Variants in TMEM123 observed in about 807,000 individuals in gnomAD.
The protein encoded by TMEM123 is transmembrane protein 123.
Under a neutral mutation model 19.7 loss-of-function variants are expected in TMEM123, and 16 were observed. That is an observed-to-expected ratio of 0.81 (90% CI 0.55 to 1.23). The LOEUF (loss-of-function observed/expected upper bound fraction) is 1.23, where lower values mean the gene tolerates loss of function less well. Among genes scored for constraint, TMEM123 ranks in the 50% most tolerant of loss-of-function variants. The pLI, the probability that TMEM123 is intolerant of heterozygous loss-of-function variation, is 0.00. For missense variants in TMEM123, 313 were observed against 257.8 expected (o/e 1.21, Z -1.47); for synonymous variants, 118 against 99.4 (o/e 1.19, Z -1.12).
At chr11:102,441,457 A>G (rs535809621) in intron 2 of TMEM123, among the ~76,000 whole-genome samples, 5 of 152,308 alleles carry the variant, frequency 3.3e-5, no homozygotes, top group Admixed American at 6.5e-5. Flanking sequence ...GGTACATAAC[A>G]AAATGAAGGC....
rs1227292376 is a variant in TMEM123, at chr11:102,400,461, C to CTG, written c.602+1076_602+1077dup. 2.0e-5 allele frequency among the ~76,000 whole-genome samples: 3 copies of CTG among 152,298 alleles called. No individual in the cohort carries two copies. The East Asian group carries it at 5.8e-4, about 29-fold the overall frequency. On this transcript the variant is annotated intron_variant, in intron 4 of 4. Transcript: ENST00000398136. ...TTTCCCACACTTTTTGATATAGGAA[C>CTG]TGTGTGTGTGGGACACATGTATGTC...
rs745794067 is a variant in TMEM123, at chr11:102,448,821, T to C, written c.148A>G (p.Asn50Asp). 2 of 1,613,620 alleles carry C rather than the reference T, an allele frequency of 1.2e-6. No homozygotes were observed. The highest frequency in any genetic ancestry group is 2.7e-5 in the African/African-American group (2 of 74,912). Residue 50 changes from asparagine (N) to aspartate (D), a missense_variant, in exon 2 of 5, where the codon AAC becomes GAC. Coordinates refer to ENST00000398136, the MANE Select transcript of TMEM123 (RefSeq NM_052932.3). ...NSGLPHNSSANSTETLQHVPS... is the reference protein window; with the variant it reads ...NSGLPHNSSADSTETLQHVPS... ...ATCTTTTAAAACTCACCTGTTGAGT[T>C]AGCACTGGAGTTGTGTGGAAGCCCA...
Position 102,448,842 on chromosome 11 carries a change from G to T in TMEM123, c.127C>A (p.Leu43Ile), listed in dbSNP as rs747056553. Residue 43 changes from leucine (L) to isoleucine (I), a missense_variant, in exon 2 of 5, where the codon CTT becomes ATT. Physicochemically the swap from Leu to Ile is conservative, Grantham distance 5. Transcript: ENST00000398136. ...GAGTTAGCACTGGAGTTGTGTGGAA[G>T]CCCAGAATTCTCTATGTTTGCAGAT... Reference protein sequence around the residue: ...AASANIENSGLPHNSSANSTE... With the variant: ...AASANIENSGIPHNSSANSTE... The T allele has an allele frequency of 4.3e-6, 7 of 1,613,620 alleles. No individual in the cohort carries two copies. In the South Asian group the frequency reaches 7.7e-5, roughly 18 times the overall value.
At chr11:102,409,860 G>A (rs1440957633) in intron 2 of TMEM123, among the ~76,000 whole-genome samples, 4 of 150,002 alleles carry the variant, frequency 2.7e-5, no homozygotes, top group Non-Finnish European at 4.4e-5. Flanking sequence ...GCAAGACTCC[G>A]TCACAAACAA....
chr11:102,448,927 T>C, intron 1 of TMEM123, 59 bp from the exon 2 acceptor site: 1 of 1,547,814 alleles, frequency 6.5e-7, no homozygotes, highest in Non-Finnish European at 8.9e-7. Flanking sequence ...ATACTGGCAG[T>C]ATGTGGTTTT....
At position 102,396,412 on chromosome 11, in the gene TMEM123, G is replaced by GAAAA. The variant is rs1440670445; in HGVS notation, c.*2451_*2454dup. 1 of 151,870 alleles carries GAAAA rather than the reference G, an allele frequency of 6.6e-6. No homozygotes were observed. Among genetic ancestry groups the GAAAA allele is most frequent in the African/African-American group, 2.4e-5 (1 of 41,334 alleles). 9.4% of individuals were successfully genotyped at this position (151,870 alleles called of 1,614,324 possible). ...CAAAAGCTGGTCATTATAATAAAAA[G>GAAAA]AAAAGAAGAGTTTAACTTTTTTTTT... is the stretch of plus-strand genomic sequence containing the variant. On this transcript the variant is annotated 3_prime_UTR_variant, in exon 5 of 5. Coordinates refer to ENST00000398136, the MANE Select transcript of TMEM123 (RefSeq NM_052932.3).
rs1951854825 is a variant in TMEM123, at chr11:102,396,334, T to C, written c.*2533A>G. 6.6e-6 allele frequency: 1 copy of C among 152,194 alleles called. No homozygotes were observed. Among genetic ancestry groups the C allele is most frequent in the South Asian group, 2.1e-4 (1 of 4,830 alleles). 9.4% of individuals were successfully genotyped at this position (152,194 alleles called of 1,614,324 possible). On this transcript the variant is annotated 3_prime_UTR_variant, in exon 5 of 5. Transcript: ENST00000398136. ...AAGCAAAATCACACACTTAAAACTT[T>C]TAGAAGGAGAACAATTTTATTCTAA... is the stretch of plus-strand genomic sequence containing the variant.
chr11:102,401,730 T>A (rs771559885), intron 3 of TMEM123, 38 bp from the exon 4 acceptor site: 3 of 302,916 alleles, frequency 9.9e-6, no homozygotes, highest in East Asian at 9.8e-5. Flanking sequence ...TTTAGCGTTA[T>A]TTTTTTTTTT....
At chr11:102,409,742 C>G (rs950806055) in intron 2 of TMEM123, among the ~76,000 whole-genome samples, 5 of 151,770 alleles carry the variant, frequency 3.3e-5, no homozygotes, top group African/African-American at 9.7e-5. Context: ...GGCATGGTGG[C>G]GGGCGTCTGT....
Position 102,444,140 on chromosome 11 carries a change from G to A in TMEM123, c.157+4672C>T, listed in dbSNP as rs564124479. Among the ~76,000 whole-genome samples the A allele has an allele frequency of 2.3e-3, 345 of 152,306 alleles. 1 individual carries two copies. The highest frequency in any genetic ancestry group is 7.2e-3 in the African/African-American group (300 of 41,562). On this transcript the variant is annotated intron_variant, in intron 2 of 4. Coordinates refer to ENST00000398136, the MANE Select transcript of TMEM123 (RefSeq NM_052932.3). ...CAACCATTGTGGAAGACAGTGTGGCGATTCCTCAAGGATCCAGAACTAGAA... is the reference window on the plus strand; with the variant it reads ...CAACCATTGTGGAAGACAGTGTGGCAATTCCTCAAGGATCCAGAACTAGAA...
At position 102,401,541 on chromosome 11, in the gene TMEM123, G is replaced by A; in HGVS notation, c.600C>T (p.Thr200=). Residue 200 remains threonine (T), a splice_region_variant and synonymous_variant, in exon 4 of 5, where the codon ACC becomes ACT. Coordinates refer to ENST00000398136, the MANE Select transcript of TMEM123 (RefSeq NM_052932.3). ...AGTCCTGGCCATTCAAAACTTACAT[G>A]GTTCGATACCGAATGCCTCTTCTTG... ...YYSRRGIRYR[T]IDEHDAII is the part of the protein sequence containing the mutation. 7 of 1,562,928 alleles carry A rather than the reference G, an allele frequency of 4.5e-6. No individual in the cohort carries two copies. The highest frequency in any genetic ancestry group is 6.0e-6 in the Non-Finnish European group (7 of 1,164,230).
intron 2 of TMEM123, among the ~76,000 whole-genome samples, chr11:102,424,549 C>T (rs909061921): frequency 6.6e-6 from 1 of 152,032 alleles, no homozygotes; most frequent in African/African-American, 2.4e-5. Context: ...ATTAGCCAGG[C>T]GTGGTGGCGC....
At chr11:102,413,606 A>G (rs961751726) in intron 2 of TMEM123, among the ~76,000 whole-genome samples, 2 of 152,234 alleles carry the variant, frequency 1.3e-5, no homozygotes, top group African/African-American at 4.8e-5. Flanking sequence ...TAGAGCACAC[A>G]GCCCCGGAGT....
chr11:102,439,096 G>A (rs1043451661), intron 2 of TMEM123, among the ~76,000 whole-genome samples: 2 of 152,166 alleles, frequency 1.3e-5, no homozygotes, highest in East Asian at 3.9e-4. Flanking sequence ...CGGGAAGCTC[G>A]AACTGGGTGG....
At chr11:102,450,980 G>C (rs1438694718) in intron 1 of TMEM123, among the ~76,000 whole-genome samples, 2 of 152,154 alleles carry the variant, frequency 1.3e-5, no homozygotes, top group Admixed American at 6.5e-5. Flanking sequence ...TTTTAGTCTA[G>C]TTGCAAGGTG....
At chr11:102,438,413 G>GTC (rs1397621000) in intron 2 of TMEM123, among the ~76,000 whole-genome samples, 3 of 152,112 alleles carry the variant, frequency 2.0e-5, no homozygotes, top group Admixed American at 2.0e-4. Flanking sequence ...TATAGTCTAC[G>GTC]TCTCTCCACC....
Position 102,434,071 on chromosome 11 carries a change from T to C in TMEM123, c.157+14741A>G, listed in dbSNP as rs755685172. Among the ~76,000 whole-genome samples, 7 of 151,980 alleles carry C rather than the reference T, an allele frequency of 4.6e-5. 1 individual carries two copies. The highest frequency in any genetic ancestry group is 6.3e-3 in the Middle Eastern group (2 of 316). On this transcript the variant is annotated intron_variant, in intron 2 of 4. Transcript: ENST00000398136. Reference sequence around the variant, plus strand: ...TGAACATGGGAGTGCAGGCATCTTTTTGACATACTGATTTCCAGTCTTTTG... The same window carrying C: ...TGAACATGGGAGTGCAGGCATCTTTCTGACATACTGATTTCCAGTCTTTTG...
chr11:102,425,685 T>C (rs1212413359), intron 2 of TMEM123, among the ~76,000 whole-genome samples: 4 of 151,400 alleles, frequency 2.6e-5, no homozygotes, highest in Admixed American at 6.6e-5. Flanking sequence ...CCAGGCTCAG[T>C]TGATCCTCCC....
At chr11:102,452,472 G>C (rs1276793253) in intron 1 of TMEM123, 52 bp downstream of exon 1, 3 of 1,361,944 alleles carry the variant, frequency 2.2e-6, no homozygotes, top group Non-Finnish European at 2.9e-6. Context: ...CCCAAGCCTC[G>C]GCAGCGCGCT....
Sources: allele counts gnomAD v4.1 joint callset (sites outside exome capture counted in the v4.1 genomes callset), GRCh38; gene constraint gnomAD v4.1.1; transcripts MANE v1.5; gene names NCBI Gene and HGNC (gene_info 2026-07-23, HGNC 2026-07-21).